The following GTF3A variants were observed in gnomAD, a reference collection of about 807,000 sequenced individuals.
The protein encoded by GTF3A is general transcription factor IIIA.
A neutral mutation model predicts 37.6 loss-of-function variants in GTF3A; 40 were observed. That is an observed-to-expected ratio of 1.06 (90% CI 0.83 to 1.38). The LOEUF (loss-of-function observed/expected upper bound fraction) is 1.38. Ranked by LOEUF, GTF3A falls within the 40% of genes most tolerant of loss-of-function variation. The pLI is 0.00. For synonymous variants in GTF3A, 191 were observed against 166.7 expected (o/e 1.15, Z -1.12); for missense variants, 500 against 462.6 (o/e 1.08, Z -0.74).
chr13:27,427,312 T>G, intron 2 of GTF3A, 120 bp downstream of exon 2: 1 of 655,128 alleles, frequency 1.5e-6, no homozygotes, highest in Non-Finnish European at 2.8e-6. Context: ...GCTCGGTGGC[T>G]CATGCCTGTA....
At position 27,424,781 on chromosome 13, in the gene GTF3A, C is replaced by A; in HGVS notation, c.44C>A (p.Thr15Asn). Residue 15 changes from threonine to asparagine, a missense_variant, in exon 1 of 9, where the codon ACC becomes AAC. Transcript: ENST00000381140. ...GTCGCCGAGTCGGTGTCGTCCTTGA[C>A]CATCGCCGACGCGTTCATTGCAGCC... 1 of 1,540,510 alleles carries A rather than the reference C, an allele frequency of 6.5e-7. No homozygotes were observed. Among genetic ancestry groups the A allele is most frequent in the East Asian group, 2.5e-5 (1 of 39,572 alleles).
At position 27,424,917 on chromosome 13, in the gene GTF3A, C is replaced by T. The variant is rs1473124457; in HGVS notation, c.180C>T (p.His60=). ...GCAAAGCCTGGAAGCTTGACGCGCACCTGTGCAAGCACACGGGGGAGGTGA... is the reference window on the plus strand; with the variant it reads ...GCAAAGCCTGGAAGCTTGACGCGCATCTGTGCAAGCACACGGGGGAGGTGA... Residue 60 remains histidine (H), a synonymous_variant, in exon 1 of 9, where the codon CAC becomes CAT. Transcript: ENST00000381140. The T allele has an allele frequency of 7.8e-6, 12 of 1,548,358 alleles. No individual in the cohort carries two copies. Among genetic ancestry groups the T allele is most frequent in the Non-Finnish European group, 1.0e-5 (12 of 1,145,610 alleles).
chr13:27,424,804 G>GCCGGCGAGAGCTCAGCTCCGACC lies in GTF3A; in HGVS notation c.71_93dup (p.Pro32AlafsTer64). 1 of 1,545,614 alleles carries GCCGGCGAGAGCTCAGCTCCGACC rather than the reference G, an allele frequency of 6.5e-7. No individual in the cohort carries two copies. The highest frequency in any genetic ancestry group is 2.0e-5 in the Admixed American group (1 of 50,370). On this transcript the variant is annotated frameshift_variant, in exon 1 of 9. Coordinates refer to ENST00000381140, the MANE Select transcript of GTF3A (RefSeq NM_002097.3). LOFTEE classifies it high-confidence loss of function. ...GACCATCGCCGACGCGTTCATTGCA[G>GCCGGCGAGAGCTCAGCTCCGACC]CCGGCGAGAGCTCAGCTCCGACCCC...
chr13:27,429,892 C>CA lies in GTF3A; in HGVS notation c.330dup (p.Phe111IlefsTer12). 6.5e-7 allele frequency: 1 copy of CA among 1,532,074 alleles called. No homozygotes were observed. The highest frequency in any genetic ancestry group is 8.8e-7 in the Non-Finnish European group (1 of 1,139,914). 94.9% of individuals were successfully genotyped at this position (1,532,074 alleles called of 1,614,324 possible). On this transcript the variant is annotated frameshift_variant, in exon 3 of 9. Transcript: ENST00000381140. LOFTEE classifies it high-confidence loss of function. ...CAGTTGTGCAGCCAATGGCTGTGAT[C>CA]AAAAATTCAACACAAAATCAAACTT...
chr13:27,434,867 A>G lies in GTF3A; in HGVS notation c.706A>G (p.Met236Val), dbSNP rs764487744. The change falls in exon 7 of 9, where the codon ATG becomes GTG. Residue 236 changes from methionine to valine, a missense_variant. Transcript: ENST00000381140. ...ACGCAAAGATTACCTTAAGCAACAC[A>G]TGAAAACTCATGCCCCAGAAAGGGA... The G allele has an allele frequency of 5.0e-6, 8 of 1,613,574 alleles. No individual in the cohort carries two copies. Among genetic ancestry groups the G allele is most frequent in the Non-Finnish European group, 5.9e-6 (7 of 1,179,460 alleles).
In GTF3A at chr13:27,434,957, C is replaced by A; in HGVS notation, c.796C>A (p.His266Asn). 6.2e-7 allele frequency: 1 copy of A among 1,611,552 alleles called. No individual in the cohort carries two copies. The highest frequency in any genetic ancestry group is 8.5e-7 in the Non-Finnish European group (1 of 1,177,670). The change falls in exon 7 of 9, where the codon CAT becomes AAT. Residue 266 changes from histidine (H) to asparagine (N), a missense_variant. His to Asn is a moderately conservative substitution (Grantham distance 68). Coordinates refer to ENST00000381140, the MANE Select transcript of GTF3A (RefSeq NM_002097.3). The stretch of plus-strand genomic sequence containing the variant: ...TACAACTGTGTTTAATCTCCAAAGC[C>A]ATATCCTCTCCTTCCATGAGGAAAG...
rs186799413 is a variant in GTF3A, at chr13:27,428,478, T to C, written c.302+1286T>C. Among the ~76,000 whole-genome samples the C allele has an allele frequency of 2.0e-5, 3 of 152,344 alleles. No individual in the cohort carries two copies. In the East Asian group the frequency reaches 5.8e-4, roughly 29 times the overall value. Reference sequence around the variant, plus strand: ...CTACATGTGAAATCCAGGTTTCAAGTGTGTCCTACAATGACCTGCGTGATT... The same window carrying C: ...CTACATGTGAAATCCAGGTTTCAAGCGTGTCCTACAATGACCTGCGTGATT... On this transcript the variant is annotated intron_variant, in intron 2 of 8. Transcript: ENST00000381140.
At chr13:27,425,250 A>G in intron 1 of GTF3A, 2 of 339,202 alleles carry the variant, frequency 5.9e-6, no homozygotes, top group South Asian at 1.3e-4. Flanking sequence ...GACACCTGCC[A>G]AACACTGGCC....
At position 27,427,086 on chromosome 13, in the gene GTF3A, TG is replaced by T; in HGVS notation, c.202-5del. On this transcript the variant is annotated splice_polypyrimidine_tract_variant and splice_region_variant and intron_variant, in intron 1 of 8. Transcript: ENST00000381140. ...AAGTGACATGCTTTTTCTTTTTTCC[TG>T]CTAGAGACCATTTGTTTGTGACTAT... 6.7e-7 allele frequency: 1 copy of T among 1,497,868 alleles called. No homozygotes were observed. Among genetic ancestry groups the T allele is most frequent in the Non-Finnish European group, 9.3e-7 (1 of 1,075,632 alleles). The allele number at this position is 1,497,868 out of a possible 1,614,324, so 92.8% of individuals were successfully genotyped here.
Position 27,434,991 on chromosome 13 carries a change from T to C in GTF3A, c.830T>C (p.Phe277Ser), listed in dbSNP as rs1481446189. 6.2e-7 allele frequency: 1 copy of C among 1,611,928 alleles called. No homozygotes were observed. Among genetic ancestry groups the C allele is most frequent in the Non-Finnish European group, 8.5e-7 (1 of 1,177,982 alleles). Residue 277 changes from phenylalanine to serine, a missense_variant, in exon 7 of 9, where the codon TTT becomes TCT. Coordinates refer to ENST00000381140, the MANE Select transcript of GTF3A (RefSeq NM_002097.3). ...TCCTTCCATGAGGAAAGCCGCCCTT[T>C]TGTGTGTGAACATGCTGGCTGTGGC...
chr13:27,434,499 T>C (rs1254250342), intron 6 of GTF3A, among the ~76,000 whole-genome samples: 4 of 149,180 alleles, frequency 2.7e-5, no homozygotes, highest in Non-Finnish European at 3.0e-5. Context: ...TGGGAAACAG[T>C]ACCCTGCATA....
At position 27,430,592 on chromosome 13, in the gene GTF3A, G is replaced by T. The variant is rs1287265161; in HGVS notation, c.459G>T (p.Gln153His). The T allele has an allele frequency of 1.9e-6, 3 of 1,611,188 alleles. No individual in the cohort carries two copies. The highest frequency in any genetic ancestry group is 2.5e-6 in the Non-Finnish European group (3 of 1,177,622). Residue 153 changes from glutamine (Q) to histidine (H), a missense_variant, in exon 4 of 9, where the codon CAG becomes CAT. Physicochemically the swap from Gln to His is conservative, Grantham distance 24. Coordinates refer to ENST00000381140, the MANE Select transcript of GTF3A (RefSeq NM_002097.3). ...AACATCAGCAGCTGAAAATCCATCA[G>T]TGCCAGCATACCAATGAACCTCTAT...
chr13:27,428,022 C>T (rs1481541326), intron 2 of GTF3A, among the ~76,000 whole-genome samples: 1 of 152,066 alleles, frequency 6.6e-6, no homozygotes, highest in Non-Finnish European at 1.5e-5. Context: ...GCCTGTAATC[C>T]CAGCACTTTG....
At chr13:27,425,645 G>A (rs1953599603) in intron 1 of GTF3A, 1 of 152,204 alleles carries the variant, frequency 6.6e-6, no homozygotes, top group Admixed American at 6.5e-5. Flanking sequence ...TTTATTTTGA[G>A]GGCAGGAGAA....
rs1397185639 is a variant in GTF3A at position 27,435,160 on chromosome 13, C to T, written c.901C>T (p.His301Tyr). The T allele has an allele frequency of 3.7e-6, 6 of 1,606,132 alleles. No homozygotes were observed. ...AAGTCTCACTAGGCATGCTGTTGTA[C>T]ATGATCCTGACAAGAAGAAAATGAA... is the stretch of plus-strand genomic sequence containing the variant. Residue 301 changes from histidine to tyrosine, a missense_variant, in exon 8 of 9, where the codon CAT becomes TAT. His to Tyr is a moderately conservative substitution (Grantham distance 83, BLOSUM62 2). Coordinates refer to ENST00000381140, the MANE Select transcript of GTF3A (RefSeq NM_002097.3).
At chr13:27,432,261 T>C (rs940877331) in intron 4 of GTF3A, among the ~76,000 whole-genome samples, 1 of 152,168 alleles carries the variant, frequency 6.6e-6, no homozygotes, top group African/African-American at 2.4e-5. Context: ...CTGCTGCTGC[T>C]TTGCTGCTGA....
chr13:27,432,939 A>G, intron 5 of GTF3A, 135 bp downstream of exon 5: 5 of 693,216 alleles, frequency 7.2e-6, no homozygotes, highest in Non-Finnish European at 7.7e-6. Flanking sequence ...TGGGTCTTAC[A>G]CTCTTGTCCA....
Position 27,435,605 on chromosome 13 carries a change from A to T in GTF3A, c.*8A>T, listed in dbSNP as rs775651428. 2.5e-6 allele frequency: 4 copies of T among 1,613,282 alleles called. No individual in the cohort carries two copies. Among genetic ancestry groups the T allele is most frequent in the Middle Eastern group, 3.3e-4 (2 of 6,084 alleles). ...GTACTTACCCTTGGCTAAGAACTGC[A>T]CTGCTTTGTTTAAAGGACTGCAGAC... On this transcript the variant is annotated 3_prime_UTR_variant, in exon 9 of 9. Transcript: ENST00000381140.
chr13:27,424,869 C>T lies in GTF3A; in HGVS notation c.132C>T (p.Phe44=), dbSNP rs149786471. The T allele has an allele frequency of 4.6e-4, 711 of 1,550,208 alleles. 5 individuals are homozygous for T. The African/African-American group carries it at 8.5e-3, about 18-fold the overall frequency. ...TTCCCAGGAGGTTCATCTGCTCCTT[C>T]CCTGACTGCAGCGCCAATTACAGCA... is the stretch of plus-strand genomic sequence containing the variant. Residue 44 remains phenylalanine (F), a synonymous_variant, in exon 1 of 9, where the codon TTC becomes TTT. Coordinates refer to ENST00000381140, the MANE Select transcript of GTF3A (RefSeq NM_002097.3).
Sources: allele counts gnomAD v4.1 joint callset (sites outside exome capture counted in the v4.1 genomes callset), GRCh38; gene constraint gnomAD v4.1.1; transcripts MANE v1.5; gene names NCBI Gene and HGNC (gene_info 2026-07-23, HGNC 2026-07-21).